NCOA2: variants seen among roughly 807,000 people sequenced by gnomAD.
NCOA2 encodes class E basic helix-loop-helix protein 75.
A neutral mutation model predicts 145.1 loss-of-function variants in NCOA2; 21 were observed. That is an observed-to-expected ratio of 0.14 (90% CI 0.10 to 0.21). The LOEUF (loss-of-function observed/expected upper bound fraction) is 0.21, where lower values mean the gene tolerates loss of function less well. Among genes scored for constraint, NCOA2 ranks in the 10% least tolerant of loss-of-function variants. The pLI is 1.00. For synonymous variants in NCOA2, 619 were observed against 637.5 expected (o/e 0.97, Z 0.44); for missense variants, 1,472 against 1,837.6 (o/e 0.80, Z 3.64).
chr8:70,424,652 T>C, the NCOA2 span: 1 of 320,818 alleles, frequency 3.1e-6, no homozygotes, highest in African/African-American at 2.2e-5. Context: ...AGATCGTGAA[T>C]ATTTTAGCCT....
At chr8:70,299,001 A>C (rs539544827) in intron 1 of NCOA2, among the ~76,000 whole-genome samples, 1 of 152,158 alleles carries the variant, frequency 6.6e-6, no homozygotes, top group Non-Finnish European at 1.5e-5. Context: ...CAGAGCTTGC[A>C]GTGAGCCGAG....
Position 70,162,346 on chromosome 8 carries a change from T to C in NCOA2, c.976+365A>G, listed in dbSNP as rs200374762. ...GTCCCACTGTTACCTTCACCAGGGGTTCACTCACTCTCCAAAATTCCACTT... is the reference window on the plus strand; with the variant it reads ...GTCCCACTGTTACCTTCACCAGGGGCTCACTCACTCTCCAAAATTCCACTT... On this transcript the variant is annotated intron_variant, in intron 9 of 22. Coordinates refer to ENST00000452400, the MANE Select transcript of NCOA2 (RefSeq NM_006540.4). Among the ~76,000 whole-genome samples the C allele has an allele frequency of 2.0e-5, 3 of 152,244 alleles. No individual in the cohort carries two copies. In the East Asian group the frequency reaches 5.8e-4, roughly 29 times the overall value.
At chr8:70,265,742 C>T (rs937463925) in intron 2 of NCOA2, among the ~76,000 whole-genome samples, 3 of 152,194 alleles carry the variant, frequency 2.0e-5, no homozygotes, top group Non-Finnish European at 4.4e-5. Context: ...GTCTTTTCAC[C>T]TCTGATCTAT....
intron 2 of NCOA2, among the ~76,000 whole-genome samples, chr8:70,251,389 G>T (rs944614458): frequency 2.0e-5 from 3 of 152,134 alleles, no homozygotes; most frequent in Non-Finnish European, 2.9e-5. Flanking sequence ...TTCATGAAAT[G>T]GAATAATATA....
At chr8:70,441,792 GAAAGAAAGAAAGAAAGA>G in the NCOA2 span, among the ~76,000 whole-genome samples, 1 of 15,382 alleles carries the variant, frequency 6.5e-5, no homozygotes, top group Non-Finnish European at 2.7e-4. Flanking sequence ...GAGAAAGAAA[GAAAGAAAGAAAGAAAGA>G]AAGAAAGAAG....
chr8:70,301,549 T>C (rs1007923847), intron 1 of NCOA2, among the ~76,000 whole-genome samples: 2 of 147,522 alleles, frequency 1.4e-5, no homozygotes, highest in Admixed American at 1.4e-4. Context: ...CAGATACTCA[T>C]GAGGCTGGGA....
At chr8:70,288,768 A>G (rs543278054) in intron 2 of NCOA2, among the ~76,000 whole-genome samples, 1 of 152,366 alleles carries the variant, frequency 6.6e-6, no homozygotes, top group East Asian at 1.9e-4. Context: ...GATACTTTAA[A>G]GAGGAAATTT....
intron 1 of NCOA2, among the ~76,000 whole-genome samples, chr8:70,387,996 C>T (rs899419141): frequency 9.9e-5 from 15 of 152,202 alleles, no homozygotes; most frequent in South Asian, 2.1e-4. Context: ...CCTGGCTTTG[C>T]GTCTTCCTAG....
rs771376592 is a variant in NCOA2 at position 70,123,910 on chromosome 8, C to G, written c.4267G>C (p.Gly1423Arg). Residue 1423 changes from glycine (G) to arginine (R), a missense_variant, in exon 21 of 23, where the codon GGG becomes CGG. Physicochemically the swap from Gly to Arg is moderately radical, Grantham distance 125. Transcript: ENST00000452400. ...TGCTCGGGACCCATGGAGGACAGCC[C>G]TGACGTAGGCACGGAGGTCACTGAG... Reference protein sequence around the residue: ...MTSVTSVPTSGLSSMGPEQVN... With the variant: ...MTSVTSVPTSRLSSMGPEQVN... The G allele has an allele frequency of 2.3e-5, 37 of 1,613,494 alleles. No individual in the cohort carries two copies. The highest frequency in any genetic ancestry group is 2.9e-5 in the Non-Finnish European group (34 of 1,179,706).
At chr8:70,353,970 T>C (rs1274974297) in intron 1 of NCOA2, among the ~76,000 whole-genome samples, 1 of 152,162 alleles carries the variant, frequency 6.6e-6, no homozygotes, top group Non-Finnish European at 1.5e-5. Flanking sequence ...CCTAATTGCA[T>C]GCAATGAATG....
chr8:70,128,599 C>T, intron 17 of NCOA2, 89 bp from the exon 18 acceptor site: 1 of 1,591,150 alleles, frequency 6.3e-7, no homozygotes, highest in East Asian at 2.2e-5. Flanking sequence ...CCCTCCCCAA[C>T]CCAGTATCTG....
At chr8:70,322,647 G>A (rs549855588) in intron 1 of NCOA2, among the ~76,000 whole-genome samples, 22 of 152,150 alleles carry the variant, frequency 1.4e-4, no homozygotes, top group South Asian at 2.1e-4. Flanking sequence ...GTGATCCTGG[G>A]CAAGTTAGTT....
At chr8:70,364,521 G>A (rs905724789) in intron 1 of NCOA2, among the ~76,000 whole-genome samples, 4 of 152,136 alleles carry the variant, frequency 2.6e-5, no homozygotes, top group Admixed American at 2.6e-4. Flanking sequence ...CAGATGATGC[G>A]TAATGAAGTC....
chr8:70,388,339 G>C (rs367872491), intron 1 of NCOA2, among the ~76,000 whole-genome samples: 4 of 152,140 alleles, frequency 2.6e-5, no homozygotes, highest in African/African-American at 9.7e-5. Flanking sequence ...AATATTTTCT[G>C]TCTTCATCCT....
At chr8:70,300,914 TGAGG>T (rs1827439380) in intron 1 of NCOA2, among the ~76,000 whole-genome samples, 1 of 152,186 alleles carries the variant, frequency 6.6e-6, no homozygotes, top group African/African-American at 2.4e-5. Context: ...AACAATCCTA[TGAGG>T]GTAGGCCCTG....
intron 1 of NCOA2, among the ~76,000 whole-genome samples, chr8:70,386,987 T>C (rs966029225): frequency 3.9e-5 from 6 of 152,202 alleles, no homozygotes; most frequent in African/African-American, 1.4e-4. Context: ...CATGGCTTAC[T>C]GCAAGCTCAA....
At chr8:70,366,925 C>G (rs1045934877) in intron 1 of NCOA2, among the ~76,000 whole-genome samples, 1 of 152,104 alleles carries the variant, frequency 6.6e-6, no homozygotes, top group Non-Finnish European at 1.5e-5. Flanking sequence ...CCTTTTACCC[C>G]TAGATGTGCT....
chr8:70,138,681 A>G (rs1047979099), intron 14 of NCOA2, among the ~76,000 whole-genome samples: 5 of 152,176 alleles, frequency 3.3e-5, no homozygotes, highest in African/African-American at 9.7e-5. Context: ...AAAAATCACA[A>G]TAAATGAATT....
At chr8:70,305,498 C>T (rs1456365330) in intron 1 of NCOA2, among the ~76,000 whole-genome samples, 1 of 152,062 alleles carries the variant, frequency 6.6e-6, no homozygotes, top group Non-Finnish European at 1.5e-5. Flanking sequence ...AGTAAGGTAA[C>T]ACAATTTATC....
Sources: gnomAD v4.1 joint callset for allele counts (sites outside exome capture counted in the v4.1 genomes callset) on GRCh38, gnomAD v4.1.1 for gene constraint, MANE v1.5 for transcripts, NCBI Gene and HGNC (gene_info 2026-07-23, HGNC 2026-07-21) for gene names.